NBAS: variants seen among roughly 807,000 people sequenced by gnomAD.
NBAS encodes NBAS subunit of NRZ tethering complex.
In NBAS, 219 loss-of-function variants were observed where a neutral mutation model predicts 302.5. That is an observed-to-expected ratio of 0.72 (90% CI 0.65 to 0.81). The LOEUF is 0.81. Among genes scored for constraint, NBAS ranks in the 30% least tolerant of loss-of-function variants. The probability of loss-of-function intolerance (pLI) is 0.00; values close to 1 mark genes in which losing one functional copy is unlikely to be tolerated. For missense variants in NBAS, 2,932 were observed against 2,841.6 expected (o/e 1.03, Z -0.72); for synonymous variants, 1,118 against 1,021.6 (o/e 1.09, Z -1.80).
At chr2:15,426,614 T>G (rs943953783) in intron 22 of NBAS, among the ~76,000 whole-genome samples, 1 of 152,240 alleles carries the variant, frequency 6.6e-6, no homozygotes, top group Non-Finnish European at 1.5e-5. Flanking sequence ...CTTAATTCTG[T>G]TTCTATTTTA....
chr2:15,499,251 G>A lies in NBAS; in HGVS notation c.954+4894C>T, dbSNP rs538447263. ...CCTCAGGTAGTTCTTATAGCAGTGT[G>A]AGAACAGACTAATACACTGGGGAAT... On this transcript the variant is annotated intron_variant, in intron 11 of 51. Coordinates refer to ENST00000281513, the MANE Select transcript of NBAS (RefSeq NM_015909.4). Among the ~76,000 whole-genome samples, 6 of 152,272 alleles carry A rather than the reference G, an allele frequency of 3.9e-5. 1 individual carries two copies. The South Asian group carries it at 1.2e-3, about 32-fold the overall frequency.
rs1680789553 is a variant in NBAS, at chr2:15,490,045, A to G, written c.955-1023T>C. On this transcript the variant is annotated intron_variant, in intron 11 of 51. Coordinates refer to ENST00000281513, the MANE Select transcript of NBAS (RefSeq NM_015909.4). ...GCAGATGACCTCTTAGAAGAGTCAT[A>G]AACTTTCCAGTTAGTCAATGCCCAC... 2.6e-5 allele frequency among the ~76,000 whole-genome samples: 4 copies of G among 152,232 alleles called. 1 individual carries two copies. In the South Asian group the frequency reaches 8.3e-4, roughly 32 times the overall value.
chr2:14,791,501 G>C, the NBAS span, among the ~76,000 whole-genome samples: 1 of 152,076 alleles, frequency 6.6e-6, no homozygotes. Flanking sequence ...GCAAGGGGAA[G>C]AGAATATAAA....
chr2:15,169,720 C>T (rs977619300), intron 51 of NBAS, among the ~76,000 whole-genome samples: 3 of 152,208 alleles, frequency 2.0e-5, no homozygotes, highest in Non-Finnish European at 2.9e-5. Context: ...CTGTTCACCC[C>T]TGTATCCCCA....
the NBAS span, among the ~76,000 whole-genome samples, chr2:15,017,345 C>A: frequency 6.6e-6 from 1 of 151,910 alleles, no homozygotes; most frequent in Admixed American, 6.6e-5. Context: ...AAAGCTTCGT[C>A]ACAGCAAAGA....
chr2:15,398,318 A>T (rs1338136843), intron 26 of NBAS, among the ~76,000 whole-genome samples: 2 of 151,880 alleles, frequency 1.3e-5, no homozygotes, highest in Non-Finnish European at 2.9e-5. Flanking sequence ...TAATTTTTAA[A>T]TTTTTTTGTA....
At chr2:14,821,187 A>G in the NBAS span, among the ~76,000 whole-genome samples, 3 of 152,074 alleles carry the variant, frequency 2.0e-5, no homozygotes, top group Non-Finnish European at 4.4e-5. Flanking sequence ...CGCCTCCCGA[A>G]GTGCTGGGAT....
the NBAS span, among the ~76,000 whole-genome samples, chr2:14,894,536 G>A: frequency 6.6e-6 from 1 of 151,734 alleles, no homozygotes; most frequent in Non-Finnish European, 1.5e-5. Context: ...TAACAGAAAT[G>A]TAAAATATAT....
At chr2:15,454,909 AT>A (rs796180817) in intron 21 of NBAS, among the ~76,000 whole-genome samples, 493 of 125,054 alleles carry the variant, frequency 3.9e-3, no homozygotes, top group Non-Finnish European at 5.1e-3. Context: ...CTATACTGCA[AT>A]TTTTTTTTTT....
chr2:15,438,708 T>A (rs1572850153), intron 21 of NBAS, among the ~76,000 whole-genome samples: 1 of 152,146 alleles, frequency 6.6e-6, no homozygotes, highest in Non-Finnish European at 1.5e-5. Context: ...AGTTTGAAAG[T>A]CAGAGAGCCA....
chr2:15,374,115 C>A (rs181167493), intron 31 of NBAS, among the ~76,000 whole-genome samples: 1 of 152,154 alleles, frequency 6.6e-6, no homozygotes, highest in Admixed American at 6.5e-5. Context: ...TAAGATATCT[C>A]TAGTAATTAA....
At chr2:14,784,723 C>T in the NBAS span, among the ~76,000 whole-genome samples, 3 of 152,042 alleles carry the variant, frequency 2.0e-5, no homozygotes, top group South Asian at 6.2e-4. Context: ...TTACTGTAGC[C>T]TTGTAGTATA....
chr2:14,819,133 G>T, the NBAS span, among the ~76,000 whole-genome samples: 1 of 152,314 alleles, frequency 6.6e-6, no homozygotes, highest in Admixed American at 6.5e-5. Flanking sequence ...TAGACCTTGT[G>T]CTCCTTGATA....
At chr2:15,033,585 T>C in the NBAS span, among the ~76,000 whole-genome samples, 2 of 152,136 alleles carry the variant, frequency 1.3e-5, no homozygotes, top group Non-Finnish European at 2.9e-5. Flanking sequence ...TAATTCACAA[T>C]GTGATGGTAT....
chr2:15,334,991 T>G (rs572701869), intron 35 of NBAS, among the ~76,000 whole-genome samples: 1 of 152,270 alleles, frequency 6.6e-6, no homozygotes, highest in Admixed American at 6.5e-5. Context: ...ATGAATGAAA[T>G]CATGTACTCT....
chr2:15,236,502 T>C lies in NBAS; in HGVS notation c.5944-1755A>G, dbSNP rs557882844. Among the ~76,000 whole-genome samples the C allele has an allele frequency of 2.1e-3, 232 of 110,890 alleles. 1 individual carries two copies. Among genetic ancestry groups the C allele is most frequent in the Non-Finnish European group, 3.3e-3 (201 of 61,078 alleles). The allele number at this position is 110,890 out of a possible 152,430, so 72.7% of individuals were successfully genotyped here. A position where few individuals can be genotyped will look rare whatever the true frequency, so the allele number is the denominator to read the frequency against. ...AGGTAGAGGCTGCAGTGAGTGAGCCTGGGCAACAGAGTGAGACCCTGTCTC... is the reference window on the plus strand; with the variant it reads ...AGGTAGAGGCTGCAGTGAGTGAGCCCGGGCAACAGAGTGAGACCCTGTCTC... On this transcript the variant is annotated intron_variant, in intron 45 of 51. Transcript: ENST00000281513.
intron 9 of NBAS, among the ~76,000 whole-genome samples, chr2:15,522,201 G>T (rs1304765322): frequency 1.3e-5 from 2 of 152,162 alleles, no homozygotes; most frequent in African/African-American, 4.8e-5. Context: ...GAAATTAGAG[G>T]AAGAGGAAAC....
chr2:15,255,446 T>G (rs1370432501), intron 44 of NBAS, among the ~76,000 whole-genome samples: 3 of 152,202 alleles, frequency 2.0e-5, no homozygotes, highest in African/African-American at 7.2e-5. Context: ...TTGAGTTCCT[T>G]GTAGATTCTG....
At chr2:15,183,020 G>A (rs1039157661) in intron 50 of NBAS, among the ~76,000 whole-genome samples, 4 of 151,926 alleles carry the variant, frequency 2.6e-5, no homozygotes, top group African/African-American at 9.7e-5. Context: ...AAATCATGGA[G>A]TACGACAACC....
Sources: allele counts gnomAD v4.1 joint callset (sites outside exome capture counted in the v4.1 genomes callset), GRCh38; gene constraint gnomAD v4.1.1; transcripts MANE v1.5; gene names NCBI Gene and HGNC (gene_info 2026-07-23, HGNC 2026-07-21).